The following RAPGEF4 variants were observed in gnomAD, a reference collection of about 807,000 sequenced individuals.
RAPGEF4 encodes RAP guanine-nucleotide-exchange factor (GEF) 4.
In RAPGEF4, 66 loss-of-function variants were observed where a neutral mutation model predicts 147.9. That is an observed-to-expected ratio of 0.45 (90% CI 0.37 to 0.55). RAPGEF4 has a LOEUF of 0.55. Ranked by LOEUF, RAPGEF4 falls within the 20% of genes least tolerant of loss-of-function variation. RAPGEF4 has a pLI of 0.00. For synonymous variants in RAPGEF4, 419 were observed against 442.7 expected (o/e 0.95, Z 0.67); for missense variants, 1,071 against 1,257.3 (o/e 0.85, Z 2.24).
chr2:172,814,653 A>G, intron 4 of RAPGEF4: 1 of 536,524 alleles, frequency 1.9e-6, no homozygotes. Flanking sequence ...CTGTAGTTTG[A>G]CATACCTTAT....
chr2:172,952,446 T>A (rs1355513274), intron 6 of RAPGEF4, among the ~76,000 whole-genome samples: 1 of 152,146 alleles, frequency 6.6e-6, no homozygotes, highest in Non-Finnish European at 1.5e-5. Context: ...TTTTTCAGAG[T>A]TTATGTTTCC....
intron 1 of RAPGEF4, among the ~76,000 whole-genome samples, chr2:172,768,744 G>T (rs1352137987): frequency 6.6e-6 from 1 of 152,166 alleles, no homozygotes; most frequent in Non-Finnish European, 1.5e-5. Context: ...AATATCTGTG[G>T]CCTACTGGTT....
chr2:172,988,588 A>G, intron 13 of RAPGEF4, 105 bp from the exon 14 acceptor site: 1 of 1,326,084 alleles, frequency 7.5e-7, no homozygotes, highest in African/African-American at 1.5e-5. Context: ...GGTACAGCCC[A>G]TTTATCTACA....
At chr2:172,985,740 C>G (rs1340442463) in intron 12 of RAPGEF4, among the ~76,000 whole-genome samples, 1 of 152,118 alleles carries the variant, frequency 6.6e-6, no homozygotes, top group Non-Finnish European at 1.5e-5. Flanking sequence ...GTCTCACTGG[C>G]TCCCTACCCT....
intron 4 of RAPGEF4, among the ~76,000 whole-genome samples, chr2:172,868,664 A>G (rs1694891453): frequency 6.6e-6 from 1 of 152,242 alleles, no homozygotes; most frequent in South Asian, 2.1e-4. Context: ...GGACAGAATC[A>G]TAGTTCTAGC....
chr2:173,014,755 T>A, intron 18 of RAPGEF4, 141 bp downstream of exon 18: 1 of 853,216 alleles, frequency 1.2e-6, no homozygotes, highest in Non-Finnish European at 1.7e-6. Context: ...AGAAAGGAAC[T>A]ACAGAAAAAG....
At chr2:172,850,906 G>A (rs1382379395) in intron 4 of RAPGEF4, among the ~76,000 whole-genome samples, 1 of 151,984 alleles carries the variant, frequency 6.6e-6, no homozygotes, top group Non-Finnish European at 1.5e-5. Flanking sequence ...CTGGTTTCAG[G>A]GATCTTTTGT....
intron 4 of RAPGEF4, among the ~76,000 whole-genome samples, chr2:172,886,761 T>A (rs1168629075): frequency 1.5e-5 from 2 of 130,208 alleles, no homozygotes; most frequent in African/African-American, 5.2e-5. Context: ...GATTTTACTA[T>A]TTTTTTTTCT....
intron 11 of RAPGEF4, among the ~76,000 whole-genome samples, chr2:172,984,728 C>T (rs1396475402): frequency 6.6e-6 from 1 of 152,134 alleles, no homozygotes; most frequent in Non-Finnish European, 1.5e-5. Context: ...AGGAAGGACC[C>T]CTTTCCCTGC....
At position 172,841,719 on chromosome 2, in the gene RAPGEF4, C is replaced by T. The variant is rs1247477256; in HGVS notation, c.444+27294C>T. ...TGGTTACTGCCACTTCTCAAAATGG[C>T]CGTTTAGGATTTAATTATTAGTGAG... On this transcript the variant is annotated intron_variant, in intron 4 of 30. Coordinates refer to ENST00000397081, the MANE Select transcript of RAPGEF4 (RefSeq NM_007023.4). Among the ~76,000 whole-genome samples, 5 of 151,878 alleles carry T rather than the reference C, an allele frequency of 3.3e-5. No homozygotes were observed. In the East Asian group the frequency reaches 5.8e-4, roughly 18 times the overall value.
chr2:172,857,743 G>A (rs1229659906), intron 4 of RAPGEF4, among the ~76,000 whole-genome samples: 2 of 151,940 alleles, frequency 1.3e-5, no homozygotes, highest in Non-Finnish European at 2.9e-5. Flanking sequence ...TTAGCTGGGT[G>A]TGGTGGCGTG....
At chr2:172,985,757 T>C (rs1692185091) in intron 12 of RAPGEF4, among the ~76,000 whole-genome samples, 1 of 152,178 alleles carries the variant, frequency 6.6e-6, no homozygotes, top group South Asian at 2.1e-4. Flanking sequence ...CCCTCCTGAC[T>C]CACCACAGTG....
chr2:172,783,073 CCTCT>C (rs1184412826), intron 1 of RAPGEF4, among the ~76,000 whole-genome samples: 1 of 152,058 alleles, frequency 6.6e-6, no homozygotes, highest in East Asian at 1.9e-4. Flanking sequence ...AAAAAATTTT[CCTCT>C]CTCTCTTCAC....
At chr2:172,752,173 G>A (rs1216110844) in intron 1 of RAPGEF4, among the ~76,000 whole-genome samples, 1 of 67,824 alleles carries the variant, frequency 1.5e-5, no homozygotes, top group South Asian at 5.3e-4. Flanking sequence ...CCTACCCATG[G>A]AATTTTGGTT....
intron 27 of RAPGEF4, among the ~76,000 whole-genome samples, chr2:173,035,532 A>C (rs1221313936): frequency 6.8e-6 from 1 of 147,492 alleles, no homozygotes; most frequent in Non-Finnish European, 1.5e-5. Context: ...AAAAAAAGGG[A>C]TCTCACTTGG....
intron 1 of RAPGEF4, among the ~76,000 whole-genome samples, chr2:172,779,602 G>GT (rs1684499635): frequency 6.6e-6 from 1 of 152,170 alleles, no homozygotes; most frequent in African/African-American, 2.4e-5. Context: ...GGAAACTTTG[G>GT]TTTTTACTCT....
chr2:172,982,930 A>G (rs1444243289), intron 10 of RAPGEF4, among the ~76,000 whole-genome samples: 2 of 152,118 alleles, frequency 1.3e-5, no homozygotes, highest in East Asian at 3.8e-4. Context: ...TCTTCATCTC[A>G]TGCCCTTATC....
At chr2:172,979,622 GAGA>G (rs1169749963) in intron 10 of RAPGEF4, among the ~76,000 whole-genome samples, 2 of 152,200 alleles carry the variant, frequency 1.3e-5, no homozygotes, top group Non-Finnish European at 2.9e-5. Flanking sequence ...TGCTTCTCTT[GAGA>G]AGAACAGTCT....
intron 1 of RAPGEF4, among the ~76,000 whole-genome samples, chr2:172,770,329 G>T (rs1697235298): frequency 6.6e-6 from 1 of 152,160 alleles, no homozygotes; most frequent in African/African-American, 2.4e-5. Context: ...TGAGTTCCAG[G>T]CTGGGCTACC....
Sources: gnomAD v4.1 joint callset for allele counts (sites outside exome capture counted in the v4.1 genomes callset) on GRCh38, gnomAD v4.1.1 for gene constraint, MANE v1.5 for transcripts, NCBI Gene and HGNC (gene_info 2026-07-23, HGNC 2026-07-21) for gene names.